Variants in CAMK4 observed in about 807,000 individuals in gnomAD.
CAMK4 encodes calcium/calmodulin dependent protein kinase IV, also known as calcium/calmodulin-dependent protein kinase type IV.
In CAMK4, 22 loss-of-function variants were observed where a neutral mutation model predicts 44.9. The ratio of observed to expected loss-of-function variants is 0.49; its 90% CI spans 0.35 to 0.70. The LOEUF (loss-of-function observed/expected upper bound fraction) is 0.70. Among genes scored for constraint, CAMK4 ranks in the 30% least tolerant of loss-of-function variants. The pLI, the probability that CAMK4 is intolerant of heterozygous loss-of-function variation, is 0.01. For missense variants in CAMK4, 498 were observed against 586.8 expected (o/e 0.85, Z 1.56); for synonymous variants, 218 against 215.4 (o/e 1.01, Z -0.11).
Position 111,487,658 on chromosome 5 carries a change from A to T in CAMK4, c.*3192A>T, listed in dbSNP as rs558571264. On this transcript the variant is annotated 3_prime_UTR_variant, in exon 11 of 11. Transcript: ENST00000282356. Reference sequence around the variant, plus strand: ...GTGATATTTTGAATTCTTTATTTTTATACTGTTTTCAAAATCAAGAGTGTA... The same window carrying T: ...GTGATATTTTGAATTCTTTATTTTTTTACTGTTTTCAAAATCAAGAGTGTA... The T allele has an allele frequency of 1.3e-5, 2 of 152,192 alleles. No individual in the cohort carries two copies. The highest frequency in any genetic ancestry group is 2.4e-5 in the African/African-American group (1 of 41,448). 9.4% of individuals were successfully genotyped at this position (152,192 alleles called of 1,614,324 possible).
chr5:111,415,855 C>A (rs1230487569), intron 5 of CAMK4, among the ~76,000 whole-genome samples: 2 of 151,936 alleles, frequency 1.3e-5, no homozygotes, highest in African/African-American at 4.8e-5. Context: ...AAATAAAAAA[C>A]AATGCAGTAT....
At chr5:111,341,776 G>A (rs1254168370) in intron 1 of CAMK4, among the ~76,000 whole-genome samples, 1 of 151,160 alleles carries the variant, frequency 6.6e-6, no homozygotes, top group African/African-American at 2.4e-5. Context: ...CCATTTTACA[G>A]ATAGGAACAC....
At chr5:111,378,793 G>T (rs1751308166) in intron 4 of CAMK4, among the ~76,000 whole-genome samples, 1 of 152,104 alleles carries the variant, frequency 6.6e-6, no homozygotes, top group South Asian at 2.1e-4. Context: ...AACTAACCTA[G>T]AATAATTTAC....
chr5:111,403,743 G>A (rs1056699451), intron 5 of CAMK4, among the ~76,000 whole-genome samples: 2 of 152,128 alleles, frequency 1.3e-5, no homozygotes, highest in Non-Finnish European at 2.9e-5. Context: ...GGGACACAGA[G>A]GATCTAAAAA....
At chr5:111,483,496 C>T (rs1430785128) in intron 10 of CAMK4, among the ~76,000 whole-genome samples, 1 of 152,156 alleles carries the variant, frequency 6.6e-6, no homozygotes, top group African/African-American at 2.4e-5. Flanking sequence ...CAGAGAGCAG[C>T]TGGGGGTCAG....
At position 111,491,064 on chromosome 5, in the gene CAMK4, C is replaced by G. The variant is rs990237046; in HGVS notation, c.*6598C>G. ...GTCAGTCATTCATTTTATCTCTCGT[C>G]TTTGAGATACACACATTAAAACTTA... On this transcript the variant is annotated 3_prime_UTR_variant, in exon 11 of 11. Transcript: ENST00000282356. The G allele has an allele frequency of 1.3e-5, 2 of 152,138 alleles. No individual in the cohort carries two copies. The highest frequency in any genetic ancestry group is 4.8e-5 in the African/African-American group (2 of 41,432). The allele number at this position is 152,138 out of a possible 1,614,324, so 9.4% of individuals were successfully genotyped here. A position where few individuals can be genotyped will look rare whatever the true frequency, so the allele number is the denominator to read the frequency against.
At chr5:111,370,619 A>G (rs393071) in intron 2 of CAMK4, among the ~76,000 whole-genome samples, 140,999 of 152,206 alleles carry the variant, frequency 0.93, 65,463 homozygotes, top group East Asian at 1. Context: ...CATTTATTTG[A>G]TATTAGCAAG....
chr5:111,317,918 A>AAAAAAG (rs1748499665), intron 1 of CAMK4, among the ~76,000 whole-genome samples: 3 of 133,078 alleles, frequency 2.3e-5, no homozygotes, highest in Non-Finnish European at 5.1e-5. Context: ...AAAAAAAAAA[A>AAAAAAG]AAAAAAAAAA....
chr5:111,266,218 A>G (rs201435852), intron 1 of CAMK4: 5 of 120,486 alleles, frequency 4.1e-5, no homozygotes, highest in African/African-American at 1.0e-4. Flanking sequence ...ACACACACAC[A>G]CACACACACA....
chr5:111,280,478 T>C (rs1750963990), intron 1 of CAMK4, among the ~76,000 whole-genome samples: 1 of 152,222 alleles, frequency 6.6e-6, no homozygotes, highest in African/African-American at 2.4e-5. Context: ...ATCTTTAATA[T>C]CTATGTTGCT....
At chr5:111,401,590 CTCCT>C (rs1463301368) in intron 5 of CAMK4, among the ~76,000 whole-genome samples, 1 of 151,964 alleles carries the variant, frequency 6.6e-6, no homozygotes, top group Non-Finnish European at 1.5e-5. Flanking sequence ...ATTGCAAAAG[CTCCT>C]TTTGATTAAA....
intron 5 of CAMK4, among the ~76,000 whole-genome samples, chr5:111,412,922 G>T (rs1355588678): frequency 2.6e-5 from 4 of 152,172 alleles, no homozygotes; most frequent in Non-Finnish European, 4.4e-5. Context: ...GTGGGTAAAA[G>T]TATGACTGCA....
rs1755533718 is a variant in CAMK4 at position 111,484,237 on chromosome 5, A to C, written c.1193A>C (p.Gln398Pro). 6.2e-7 allele frequency: 1 copy of C among 1,614,016 alleles called. No homozygotes were observed. Among genetic ancestry groups the C allele is most frequent in the Admixed American group, 1.7e-5 (1 of 59,998 alleles). Residue 398 changes from glutamine (Q) to proline (P), a missense_variant, in exon 11 of 11, where the codon CAA becomes CCA. By Grantham distance (76) the Gln-to-Pro change is moderately conservative. This residue lies in a region of CAMK4 where 143 missense variants were observed against 144.9 expected (regional missense o/e 0.99). Transcript: ENST00000282356. The surrounding 1 kb of genome is among the most constrained non-coding windows in gnomAD (Gnocchi z 5.3). ...KGAQAELMKV[Q>P]ALEKVKGADI... ...GCACAGGCTGAGCTGATGAAGGTGC[A>C]AGCCTTAGAGAAAGTTAAAGGTGCA...
chr5:111,435,150 T>A (rs966518153), intron 5 of CAMK4, among the ~76,000 whole-genome samples: 1 of 152,200 alleles, frequency 6.6e-6, no homozygotes, highest in Non-Finnish European at 1.5e-5. Context: ...TGCATTTTTT[T>A]AAAGACTAAA....
chr5:111,269,766 T>C (rs1038374628), intron 1 of CAMK4, among the ~76,000 whole-genome samples: 4 of 152,160 alleles, frequency 2.6e-5, no homozygotes, highest in African/African-American at 9.7e-5. Context: ...AGCTCACCCA[T>C]TGAGCCACCT....
At chr5:111,439,349 T>A (rs1353935812) in intron 5 of CAMK4, among the ~76,000 whole-genome samples, 1 of 152,104 alleles carries the variant, frequency 6.6e-6, no homozygotes, top group East Asian at 1.9e-4. Flanking sequence ...AGGGAAAGCA[T>A]GCTAGTGGCC....
At position 111,489,407 on chromosome 5, in the gene CAMK4, C is replaced by G. The variant is rs1198010826; in HGVS notation, c.*4941C>G. The G allele has an allele frequency of 6.6e-6, 1 of 152,176 alleles. No homozygotes were observed. The highest frequency in any genetic ancestry group is 2.4e-5 in the African/African-American group (1 of 41,458). The allele number at this position is 152,176 out of a possible 1,614,324, so 9.4% of individuals were successfully genotyped here. A position where few individuals can be genotyped will look rare whatever the true frequency, so the allele number is the denominator to read the frequency against. On this transcript the variant is annotated 3_prime_UTR_variant, in exon 11 of 11. Transcript: ENST00000282356. Reference sequence around the variant, plus strand: ...ATTACCTGAGATCAGATAATATAATCTCAGCTCATAAAGCTTGGCCATGTC... The same window carrying G: ...ATTACCTGAGATCAGATAATATAATGTCAGCTCATAAAGCTTGGCCATGTC...
chr5:111,301,823 A>G (rs1389100978), intron 1 of CAMK4, among the ~76,000 whole-genome samples: 1 of 152,224 alleles, frequency 6.6e-6, no homozygotes, highest in Non-Finnish European at 1.5e-5. Flanking sequence ...CAACTAAAGT[A>G]TAAGCCATTG....
chr5:111,315,376 A>T (rs1164721478), intron 1 of CAMK4, among the ~76,000 whole-genome samples: 1 of 152,166 alleles, frequency 6.6e-6, no homozygotes, highest in Non-Finnish European at 1.5e-5. Context: ...CTAACATTGT[A>T]GGTGGTGCAC....
Sources: gnomAD v4.1 joint callset for allele counts (sites outside exome capture counted in the v4.1 genomes callset) on GRCh38, gnomAD v4.1.1 for gene constraint, gnomAD v4.1.1 regional missense constraint, Gnocchi (gnomAD v3.1) non-coding constraint, MANE v1.5 for transcripts, NCBI Gene and HGNC (gene_info 2026-07-23, HGNC 2026-07-21) for gene names.